The following COXFA4 variants were observed in gnomAD, a reference collection of about 807,000 sequenced individuals.
COXFA4 encodes the protein cytochrome c oxidase subunit FA4.
chr7:10,933,779 T>C, the COXFA4 span: 1 of 938,844 alleles, frequency 1.1e-6, no homozygotes, highest in Non-Finnish European at 1.7e-6. Flanking sequence ...TTTGGTTTTC[T>C]ACAGTAACAA....
the COXFA4 span, among the ~76,000 whole-genome samples, chr7:10,935,569 G>C: frequency 6.6e-6 from 1 of 152,132 alleles, no homozygotes; most frequent in South Asian, 2.1e-4. Context: ...GATGGTATTT[G>C]GAGGCTGGGC....
chr7:10,937,482 C>T, the COXFA4 span, among the ~76,000 whole-genome samples: 3 of 152,086 alleles, frequency 2.0e-5, no homozygotes, highest in Non-Finnish European at 4.4e-5. Context: ...GGGGTTTCAC[C>T]ATATTGGCCA....
the COXFA4 span, chr7:10,940,064 G>A: frequency 1.3e-3 from 2,056 of 1,613,568 alleles, 20 homozygotes; most frequent in African/African-American, 0.024. Flanking sequence ...GCATGTTTGC[G>A]GCAGAGGTCT....
chr7:10,938,254 G>A, the COXFA4 span: 1 of 958,716 alleles, frequency 1.0e-6, no homozygotes, highest in Non-Finnish European at 1.6e-6. Context: ...TATTAGATGA[G>A]GTATGGTGTT....
At chr7:10,931,975 G>A in the COXFA4 span, 1 of 152,186 alleles carries the variant, frequency 6.6e-6, no homozygotes. Flanking sequence ...TTTATTTGGA[G>A]TTGCTTAATG....
At chr7:10,939,898 G>T in the COXFA4 span, 2 of 1,131,810 alleles carry the variant, frequency 1.8e-6, no homozygotes, top group South Asian at 1.2e-5. Context: ...GCGAGGCAGG[G>T]TCTGGTCTGA....
At chr7:10,939,927 A>G in the COXFA4 span, 2 of 1,460,246 alleles carry the variant, frequency 1.4e-6, no homozygotes, top group East Asian at 2.3e-5. Flanking sequence ...AAGTGGCTGT[A>G]AATGAGGACG....
chr7:10,936,217 T>C, the COXFA4 span, among the ~76,000 whole-genome samples: 3 of 152,240 alleles, frequency 2.0e-5, no homozygotes, highest in Non-Finnish European at 4.4e-5. Context: ...TGTCATTTCA[T>C]AACATGACAC....
chr7:10,939,284 T>A, the COXFA4 span: 4 of 222,448 alleles, frequency 1.8e-5, no homozygotes, highest in Non-Finnish European at 2.7e-5. Context: ...CTTTGCAAAT[T>A]ATTTAAGGGT....
At chr7:10,938,122 A>G in the COXFA4 span, 1 of 1,613,340 alleles carries the variant, frequency 6.2e-7, no homozygotes, top group Non-Finnish European at 8.5e-7. Context: ...AGTTTGTTCC[A>G]GGGCTCTGGG....
chr7:10,939,047 T>G, the COXFA4 span: 34 of 611,610 alleles, frequency 5.6e-5, no homozygotes, highest in African/African-American at 6.1e-4. Context: ...GATCTTACAT[T>G]GAGGTAAGAT....
At chr7:10,940,052 G>C in the COXFA4 span, 4 of 1,613,762 alleles carry the variant, frequency 2.5e-6, no homozygotes, top group African/African-American at 2.7e-5. Context: ...TGATCTGGCG[G>C]AGCATGTTTG....
the COXFA4 span, chr7:10,938,881 C>G: frequency 6.2e-7 from 1 of 1,613,186 alleles, no homozygotes; most frequent in African/African-American, 1.3e-5. Context: ...CCAATAAATA[C>G]AAAGAGGGGG....
At chr7:10,937,781 T>C in the COXFA4 span, 1 of 304,942 alleles carries the variant, frequency 3.3e-6, no homozygotes, top group South Asian at 5.1e-5. Flanking sequence ...GGCTGAAGAA[T>C]CTGTGTTTCA....
the COXFA4 span, chr7:10,940,095 C>A: frequency 8.1e-6 from 13 of 1,607,782 alleles, no homozygotes; most frequent in Middle Eastern, 9.9e-4. Context: ...AGGAGAGAAC[C>A]GACCTAGCCA....
the COXFA4 span, among the ~76,000 whole-genome samples, chr7:10,935,492 T>A: frequency 5.9e-5 from 9 of 152,332 alleles, no homozygotes; most frequent in East Asian, 1.7e-3. Context: ...CAACAAATAA[T>A]CCTCTGCTAC....
the COXFA4 span, among the ~76,000 whole-genome samples, chr7:10,936,057 A>T: frequency 1.0e-3 from 156 of 152,304 alleles, no homozygotes; most frequent in African/African-American, 3.5e-3. Context: ...ATCTGATGTC[A>T]GTGGGCCAGA....
At chr7:10,939,481 G>A in the COXFA4 span, 2 of 178,388 alleles carry the variant, frequency 1.1e-5, no homozygotes, top group East Asian at 1.4e-4. Context: ...ATGTGCTGAG[G>A]AAAAATGAGA....
chr7:10,934,597 C>T, the COXFA4 span, among the ~76,000 whole-genome samples: 1 of 152,140 alleles, frequency 6.6e-6, no homozygotes, highest in Non-Finnish European at 1.5e-5. Flanking sequence ...ACCACAATTT[C>T]AGAATGATAA....
Sources: allele counts gnomAD v4.1 joint callset (sites outside exome capture counted in the v4.1 genomes callset), GRCh38; gene constraint gnomAD v4.1.1; transcripts MANE v1.5; gene names NCBI Gene and HGNC (gene_info 2026-07-23, HGNC 2026-07-21).